Variants in ZSCAN30 observed in about 807,000 individuals in gnomAD.
ZSCAN30 encodes the protein zinc finger and SCAN domain containing 30, also known as zinc finger and SCAN domain-containing protein 30.
In ZSCAN30, 37 loss-of-function variants were observed where a neutral mutation model predicts 44.3. The ratio of observed to expected loss-of-function variants is 0.84; its 90% CI spans 0.64 to 1.10. The LOEUF is 1.10. Among genes scored for constraint, ZSCAN30 ranks in the 50% least tolerant of loss-of-function variants. The pLI, the probability that ZSCAN30 is intolerant of heterozygous loss-of-function variation, is 0.00. For missense variants in ZSCAN30, 549 were observed against 582.6 expected, an observed-to-expected ratio of 0.94 and a Z score of 0.59; for synonymous variants, 181 against 204.6, an observed-to-expected ratio of 0.88 and a Z score of 0.98.
At chr18:35,271,474 G>A (rs2044273891) in intron 1 of ZSCAN30, among the ~76,000 whole-genome samples, 1 of 152,274 alleles carries the variant, frequency 6.6e-6, no homozygotes, top group Non-Finnish European at 1.5e-5. Context: ...GTGCTGATTG[G>A]TGTGTTTACA....
intron 1 of ZSCAN30, among the ~76,000 whole-genome samples, chr18:35,285,482 C>T (rs933036129): frequency 6.6e-6 from 1 of 152,102 alleles, no homozygotes; most frequent in Admixed American, 6.6e-5. Context: ...TTTATGAAGA[C>T]AGACCATGTT....
chr18:35,264,514 C>T (rs2044105614), intron 1 of ZSCAN30, 59 bp from the exon 2 acceptor site: 1 of 789,286 alleles, frequency 1.3e-6, no homozygotes, highest in Non-Finnish European at 1.9e-6. Flanking sequence ...AATATAAATA[C>T]AGGTTTTTGA....
At chr18:35,288,996 C>G (rs1480539155) in intron 1 of ZSCAN30, among the ~76,000 whole-genome samples, 1 of 151,846 alleles carries the variant, frequency 6.6e-6, no homozygotes. Flanking sequence ...GAGACAAAGT[C>G]TCGCTTTGTC....
chr18:35,276,143 T>C (rs1352903083), intron 1 of ZSCAN30, among the ~76,000 whole-genome samples: 1 of 152,234 alleles, frequency 6.6e-6, no homozygotes, highest in Non-Finnish European at 1.5e-5. Context: ...GATATCAAAG[T>C]AATATTAGCC....
In ZSCAN30 at chr18:35,256,268, C is replaced by T. The variant is rs150343122; in HGVS notation, c.554-1887G>A. 10 of 152,236 alleles carry T rather than the reference C, an allele frequency of 6.6e-5. No individual in the cohort carries two copies. The East Asian group carries it at 1.9e-3, about 29-fold the overall frequency. 9.4% of individuals were successfully genotyped at this position (152,236 alleles called of 1,614,324 possible). A position where few individuals can be genotyped will look rare whatever the true frequency, so the allele number is the denominator to read the frequency against. On this transcript the variant is annotated intron_variant, in intron 3 of 3. Coordinates refer to ENST00000333206, the MANE Select transcript of ZSCAN30 (RefSeq NM_001112734.4). ...TCTTAGAAAAGACAAATAGAGATTA[C>T]AAGTAGAGACTGGGCACGGTGGCTC...
At position 35,257,877 on chromosome 18, in the gene ZSCAN30, C is replaced by A. The variant is rs575582047; in HGVS notation, c.554-3496G>T. 9.0e-6 allele frequency: 7 copies of A among 781,016 alleles called. No individual in the cohort carries two copies. The Admixed American group carries it at 1.0e-4, about 11-fold the overall frequency. 48.4% of individuals were successfully genotyped at this position (781,016 alleles called of 1,614,324 possible). A position where few individuals can be genotyped will look rare whatever the true frequency, so the allele number is the denominator to read the frequency against. On this transcript the variant is annotated intron_variant, in intron 3 of 3. Coordinates refer to ENST00000333206, the MANE Select transcript of ZSCAN30 (RefSeq NM_001112734.4). The stretch of plus-strand genomic sequence containing the variant: ...GCCTAGACTGTAACTGAGACCACAT[C>A]ATTGCTTGCTCTTTTCCCTTCCTAA...
At chr18:35,268,364 G>T (rs2044206903) in intron 1 of ZSCAN30, 1 of 152,164 alleles carries the variant, frequency 6.6e-6, no homozygotes, top group African/African-American at 2.4e-5. Context: ...AGAGATGAAA[G>T]AATACAGGTG....
At chr18:35,254,517 AG>A in intron 3 of ZSCAN30, 136 bp from the exon 4 acceptor site, 7 of 1,520,338 alleles carry the variant, frequency 4.6e-6, no homozygotes, top group Non-Finnish European at 6.2e-6. Context: ...TTCCCAATCT[AG>A]AATTCAGAGA....
intron 1 of ZSCAN30, among the ~76,000 whole-genome samples, chr18:35,275,508 C>T (rs753276991): frequency 6.6e-6 from 1 of 152,212 alleles, no homozygotes; most frequent in Non-Finnish European, 1.5e-5. Context: ...CACTAACTTA[C>T]CTGAGCTTGC....
intron 1 of ZSCAN30, among the ~76,000 whole-genome samples, chr18:35,270,904 T>C (rs2044258193): frequency 6.6e-6 from 1 of 152,246 alleles, no homozygotes; most frequent in African/African-American, 2.4e-5. Flanking sequence ...GTGGTCTTGC[T>C]GGCTTCAGGA....
At chr18:35,272,023 G>T (rs552673887) in intron 1 of ZSCAN30, among the ~76,000 whole-genome samples, 1 of 152,210 alleles carries the variant, frequency 6.6e-6, no homozygotes, top group Non-Finnish European at 1.5e-5. Context: ...ACAGCTCCCC[G>T]CAAGCAGAGG....
At chr18:35,270,218 AAAG>A (rs1174759698) in intron 1 of ZSCAN30, 70 of 151,524 alleles carry the variant, frequency 4.6e-4, no homozygotes, top group African/African-American at 1.6e-3. Context: ...ATGTTAATAA[AAAG>A]AAATGAATGC....
chr18:35,278,763 T>A (rs552735167), intron 1 of ZSCAN30, among the ~76,000 whole-genome samples: 1 of 152,348 alleles, frequency 6.6e-6, no homozygotes, highest in East Asian at 1.9e-4. Flanking sequence ...GGAAATATCC[T>A]CAGCTAAATA....
chr18:35,289,086 C>A (rs2044605770), intron 1 of ZSCAN30, among the ~76,000 whole-genome samples: 1 of 152,122 alleles, frequency 6.6e-6, no homozygotes, highest in African/African-American at 2.4e-5. Flanking sequence ...CGCGATTCTC[C>A]TGACTCGGCC....
In ZSCAN30 at chr18:35,264,128, C is replaced by T; in HGVS notation, c.225G>A (p.Gln75=). The change falls in exon 2 of 4, where the codon CAG becomes CAA. Residue 75 remains glutamine (Q), a synonymous_variant. Coordinates refer to ENST00000333206, the MANE Select transcript of ZSCAN30 (RefSeq NM_001112734.4). ...ALSRLRELCC[Q]WLRPEVHSKE... ...TGGAGTGCACCTCCGGCCTCAACCACTGACAGCAAAGCTCTCGCAGCCGGC... is the reference window on the plus strand; with the variant it reads ...TGGAGTGCACCTCCGGCCTCAACCATTGACAGCAAAGCTCTCGCAGCCGGC... 6.2e-7 allele frequency: 1 copy of T among 1,614,156 alleles called. No individual in the cohort carries two copies. The highest frequency in any genetic ancestry group is 8.5e-7 in the Non-Finnish European group (1 of 1,179,962).
intron 1 of ZSCAN30, among the ~76,000 whole-genome samples, chr18:35,278,213 A>T (rs1400798241): frequency 1.3e-5 from 2 of 152,066 alleles, no homozygotes; most frequent in Non-Finnish European, 2.9e-5. Context: ...TAGATACCCA[A>T]CTGGTCCTAT....
intron 1 of ZSCAN30, chr18:35,268,289 T>C (rs1010597424): frequency 2.6e-5 from 4 of 152,222 alleles, no homozygotes; most frequent in Admixed American, 1.3e-4. Context: ...GGTATTCACA[T>C]ATAACATGGC....
intron 3 of ZSCAN30, chr18:35,262,326 C>A (rs1390862340): frequency 6.6e-6 from 1 of 152,146 alleles, no homozygotes; most frequent in Non-Finnish European, 1.5e-5. Context: ...AGCTGGTATA[C>A]CTGATATATC....
At chr18:35,274,538 G>T (rs181263284) in intron 1 of ZSCAN30, among the ~76,000 whole-genome samples, 97 of 152,114 alleles carry the variant, frequency 6.4e-4, no homozygotes, top group African/African-American at 2.1e-3. Context: ...GTTGATTTTG[G>T]GTATAATTCA....
Sources: gnomAD v4.1 joint callset for allele counts (sites outside exome capture counted in the v4.1 genomes callset) on GRCh38, gnomAD v4.1.1 for gene constraint, MANE v1.5 for transcripts, NCBI Gene and HGNC (gene_info 2026-07-23, HGNC 2026-07-21) for gene names.